The following PCDHA9 variants were observed in gnomAD, a reference collection of about 807,000 sequenced individuals.
PCDHA9 encodes protocadherin alpha 9, also known as protocadherin alpha-9.
PCDHA9 carries 62 observed loss-of-function variants against 62.0 expected under a neutral mutation model. The observed-to-expected ratio is 1.00, with a 90% confidence interval of 0.81 to 1.23. The LOEUF (loss-of-function observed/expected upper bound fraction) is 1.23. PCDHA9 is among the 50% of genes most tolerant of loss of function. The pLI is 0.00. For synonymous variants in PCDHA9, 557 were observed against 567.6 expected, an observed-to-expected ratio of 0.98 and a Z score of 0.27; for missense variants, 1,205 against 1,249.8, an observed-to-expected ratio of 0.96 and a Z score of 0.54.
In PCDHA9 at chr5:140,848,506, C is replaced by G. The variant is rs1229499943; in HGVS notation, c.11C>G (p.Ser4Ter). 13 of 1,588,314 alleles carry G rather than the reference C, an allele frequency of 8.2e-6. 2 individuals carry two copies. The highest frequency in any genetic ancestry group is 1.3e-5 in the African/African-American group (1 of 74,152). Residue 4 changes from serine (S) to a stop codon, truncating the protein, a stop_gained, in exon 1 of 4, where the codon TCA becomes TGA. Transcript: ENST00000532602. LOFTEE classifies it high-confidence loss of function. ...GACTGAGTATTTGAAATGTTATACT[C>G]AAGTCGAGGAGATCCAGAGGGTCAG... MLY[S>*]SRGDPEGQPL...
At chr5:140,861,018 C>A (rs1263823889) in intron 1 of PCDHA9, 4 of 152,248 alleles carry the variant, frequency 2.6e-5, no homozygotes, top group Non-Finnish European at 4.4e-5. Flanking sequence ...CGAGTGCCAC[C>A]GCACCCGGCC....
chr5:140,969,019 G>A (rs782394566), intron 1 of PCDHA9: 61 of 1,614,046 alleles, frequency 3.8e-5, no homozygotes, highest in Non-Finnish European at 4.7e-5. Flanking sequence ...TAAGGGAAAG[G>A]TCCCCTGCAG....
chr5:140,883,951 C>T (rs782324778), intron 1 of PCDHA9: 7 of 1,613,222 alleles, frequency 4.3e-6, no homozygotes, highest in African/African-American at 2.7e-5. Flanking sequence ...AGAACGACAA[C>T]GCTCCGGCGC....
intron 1 of PCDHA9, among the ~76,000 whole-genome samples, chr5:140,970,929 G>A (rs537614286): frequency 1.4e-4 from 22 of 152,192 alleles, no homozygotes; most frequent in Non-Finnish European, 2.9e-4. Flanking sequence ...AGTGCCTGGT[G>A]TTAGTCAATG....
intron 1 of PCDHA9, among the ~76,000 whole-genome samples, chr5:140,910,654 C>T (rs961570287): frequency 1.3e-5 from 2 of 152,218 alleles, no homozygotes; most frequent in African/African-American, 2.4e-5. Flanking sequence ...TTGATCCCTT[C>T]CTCTACATTA....
chr5:140,984,644 C>T (rs969349039), intron 3 of PCDHA9, among the ~76,000 whole-genome samples: 20 of 152,136 alleles, frequency 1.3e-4, no homozygotes, highest in African/African-American at 4.3e-4. Context: ...CTGCCTTCTC[C>T]CTGTCCTTCT....
intron 1 of PCDHA9, chr5:140,868,837 C>A (rs543405019): frequency 2.7e-4 from 116 of 427,288 alleles, no homozygotes; most frequent in Non-Finnish European, 3.6e-4. Context: ...AAACCCAAAA[C>A]ACGTGAAATT....
chr5:140,876,587 T>C (rs201129017), intron 1 of PCDHA9: 1 of 1,614,208 alleles, frequency 6.2e-7, no homozygotes, highest in African/African-American at 1.3e-5. Context: ...ATTGCCCTGA[T>C]TAGCGTGTCG....
Position 140,858,184 on chromosome 5 carries a change from G to T in PCDHA9, c.2394+7295G>T, listed in dbSNP as rs782618700. The T allele has an allele frequency of 3.1e-6, 5 of 1,597,468 alleles. 1 individual carries two copies. In the South Asian group the frequency reaches 4.4e-5, roughly 14 times the overall value. Reference sequence around the variant, plus strand: ...CGGTGTCCAGCTTGCTGGTGCTCACGCTGCTGCTGTACACTGCACTGAGGT... The same window carrying T: ...CGGTGTCCAGCTTGCTGGTGCTCACTCTGCTGCTGTACACTGCACTGAGGT... On this transcript the variant is annotated intron_variant, in intron 1 of 3. Transcript: ENST00000532602.
chr5:140,918,456 T>A (rs782254836), intron 1 of PCDHA9, among the ~76,000 whole-genome samples: 9 of 152,316 alleles, frequency 5.9e-5, no homozygotes, highest in South Asian at 4.1e-4. Flanking sequence ...GTGGGCATCC[T>A]TGTCTTATTC....
intron 1 of PCDHA9, among the ~76,000 whole-genome samples, chr5:140,908,124 C>A (rs782391085): frequency 6.6e-6 from 1 of 152,234 alleles, no homozygotes; most frequent in Non-Finnish European, 1.5e-5. Flanking sequence ...GATTTCCCTT[C>A]ACTGCTGTCC....
At chr5:140,875,868 G>A (rs781927681) in intron 1 of PCDHA9, 3 of 1,614,210 alleles carry the variant, frequency 1.9e-6, no homozygotes, top group Non-Finnish European at 8.5e-7. Context: ...ACCCGCCGGT[G>A]TTCAGAGAAA....
chr5:140,966,854 C>T (rs1554228784), intron 1 of PCDHA9: 2 of 1,573,744 alleles, frequency 1.3e-6, no homozygotes, highest in Admixed American at 1.8e-5. Context: ...GCCTCTCCTG[C>T]TGCTGTTGCT....
intron 1 of PCDHA9, among the ~76,000 whole-genome samples, chr5:140,911,609 C>T (rs1554194830): frequency 6.6e-6 from 1 of 152,170 alleles, no homozygotes; most frequent in Non-Finnish European, 1.5e-5. Flanking sequence ...TCATTATGTT[C>T]CTTAGTTCCC....
At chr5:140,877,260 G>C (rs1329010026) in intron 1 of PCDHA9, 3 of 1,613,652 alleles carry the variant, frequency 1.9e-6, no homozygotes, top group Non-Finnish European at 2.5e-6. Flanking sequence ...AAGTGCGCGC[G>C]GTGGACGCTG....
chr5:140,947,872 T>C (rs2094186307), intron 1 of PCDHA9, among the ~76,000 whole-genome samples: 1 of 151,588 alleles, frequency 6.6e-6, no homozygotes, highest in Admixed American at 6.6e-5. Context: ...GGCTAGGACT[T>C]CCAGGACAAT....
In PCDHA9 at chr5:140,856,229, C is replaced by T. The variant is rs17844338; in HGVS notation, c.2394+5340C>T. On this transcript the variant is annotated intron_variant, in intron 1 of 3. Transcript: ENST00000532602. ...GCTGGAGCTGGCGGAGCTGGTGCAG[C>T]GCCTGTTCCGGGTGGCGTCCAAAAG... 5 of 1,597,818 alleles carry T rather than the reference C, an allele frequency of 3.1e-6. No homozygotes were observed. The South Asian group carries it at 4.4e-5, about 14-fold the overall frequency.
intron 1 of PCDHA9, chr5:140,857,582 G>T: frequency 6.3e-7 from 1 of 1,596,726 alleles, no homozygotes; most frequent in Non-Finnish European, 8.6e-7. Flanking sequence ...GGTGCACGCG[G>T]AGAGCGGCAA....
rs551606343 is a variant in PCDHA9 at position 140,977,430 on chromosome 5, G to A, written c.2395-1519G>A. Among the ~76,000 whole-genome samples, 14 of 152,252 alleles carry A rather than the reference G, an allele frequency of 9.2e-5. No homozygotes were observed. The South Asian group carries it at 2.5e-3, about 27-fold the overall frequency. The stretch of plus-strand genomic sequence containing the variant: ...ATTTTCTTTTGTTCCCTCTAACACC[G>A]CTAGTAGATAATGGAAACTCCTTTG... On this transcript the variant is annotated intron_variant, in intron 1 of 3. Coordinates refer to ENST00000532602, the MANE Select transcript of PCDHA9 (RefSeq NM_031857.2).
Sources: allele counts gnomAD v4.1 joint callset (sites outside exome capture counted in the v4.1 genomes callset), GRCh38; gene constraint gnomAD v4.1.1; transcripts MANE v1.5; gene names NCBI Gene and HGNC (gene_info 2026-07-23, HGNC 2026-07-21).